RAB27A: variants seen among roughly 807,000 people sequenced by gnomAD.
RAB27A encodes RAB27A, member RAS oncogene family.
A neutral mutation model predicts 20.8 loss-of-function variants in RAB27A; 17 were observed. The ratio of observed to expected loss-of-function variants is 0.82; its 90% CI spans 0.56 to 1.23. The LOEUF (loss-of-function observed/expected upper bound fraction) is 1.23, where lower values mean the gene tolerates loss of function less well. Among genes scored for constraint, RAB27A ranks in the 50% most tolerant of loss-of-function variants. The pLI, the probability that RAB27A is intolerant of heterozygous loss-of-function variation, is 0.00. For missense variants in RAB27A, 277 were observed against 266.7 expected (o/e 1.04, Z -0.27); for synonymous variants, 85 against 92.8 (o/e 0.92, Z 0.48).
At chr15:55,313,840 G>A (rs1167687999) in intron 2 of RAB27A, among the ~76,000 whole-genome samples, 1 of 152,166 alleles carries the variant, frequency 6.6e-6, no homozygotes, top group Non-Finnish European at 1.5e-5. Flanking sequence ...GGGAGTGGTG[G>A]CAAGCACCTG....
At chr15:55,292,881 A>T (rs746385421), upstream of RAB27A, among the ~76,000 whole-genome samples, 1 of 152,248 alleles carries the variant, frequency 6.6e-6, no homozygotes, top group African/African-American at 2.4e-5. Flanking sequence ...TACAGAACCC[A>T]GATGAACACC....
At position 55,282,174 on chromosome 15, in the gene RAB27A, T is replaced by A. The variant is rs554466315; in HGVS notation, c.-143+7542A>T. Among the ~76,000 whole-genome samples, 8 of 152,360 alleles carry A rather than the reference T, an allele frequency of 5.3e-5. No individual in the cohort carries two copies. In the East Asian group the frequency reaches 1.5e-3, roughly 29 times the overall value. ...GGGTGTTAGCAAAGTTCCATCTAGATGTCACTTCTTTTGAACAACACATAG... is the reference window on the plus strand; with the variant it reads ...GGGTGTTAGCAAAGTTCCATCTAGAAGTCACTTCTTTTGAACAACACATAG... On this transcript the variant is annotated intron_variant, in intron 1 of 6. Coordinates refer to ENST00000336787, the MANE Select transcript of RAB27A (RefSeq NM_183235.3).
At chr15:55,255,941 T>C (rs141527308) in intron 2 of RAB27A, among the ~76,000 whole-genome samples, 110 of 152,314 alleles carry the variant, frequency 7.2e-4, no homozygotes, top group Middle Eastern at 3.4e-3. Context: ...TAGCTATGTG[T>C]CCTGTGGTGA....
chr15:55,225,747 T>C (rs190567217), intron 5 of RAB27A, among the ~76,000 whole-genome samples: 1 of 152,368 alleles, frequency 6.6e-6, no homozygotes, highest in Non-Finnish European at 1.5e-5. Context: ...CTACTAAGAT[T>C]GTGCTTATCT....
intron 2 of RAB27A, among the ~76,000 whole-genome samples, chr15:55,295,453 G>A (rs934578318): frequency 6.6e-6 from 1 of 152,148 alleles, no homozygotes; most frequent in Non-Finnish European, 1.5e-5. Context: ...GAGACAAATG[G>A]CCACCAAGGA....
At chr15:55,298,418 T>G (rs2054958807) in intron 2 of RAB27A, among the ~76,000 whole-genome samples, 1 of 151,904 alleles carries the variant, frequency 6.6e-6, no homozygotes, top group South Asian at 2.1e-4. Flanking sequence ...AACCACCAAG[T>G]TTTTATTAGG....
At chr15:55,261,574 CAAA>C (rs112209083) in intron 2 of RAB27A, among the ~76,000 whole-genome samples, 2 of 116,842 alleles carry the variant, frequency 1.7e-5, no homozygotes, top group Admixed American at 8.4e-5. Context: ...CTAAAAATAC[CAAA>C]AAAAAAAAAA....
intron 2 of RAB27A, among the ~76,000 whole-genome samples, chr15:55,299,247 T>A (rs1351686901): frequency 6.6e-6 from 1 of 152,194 alleles, no homozygotes; most frequent in Non-Finnish European, 1.5e-5. Context: ...ATCTTCACAA[T>A]CCACGTTCTT....
intron 6 of RAB27A, among the ~76,000 whole-genome samples, chr15:55,221,893 T>G (rs941261267): frequency 2.6e-5 from 4 of 152,148 alleles, no homozygotes; most frequent in African/African-American, 9.7e-5. Flanking sequence ...GGAAGTGACA[T>G]GGGTTTTAGT....
intron 1 of RAB27A, among the ~76,000 whole-genome samples, chr15:55,283,444 A>C (rs901576030): frequency 2.0e-5 from 3 of 152,164 alleles, no homozygotes; most frequent in Admixed American, 6.5e-5. Context: ...CCGCCACCTG[A>C]GGAAATACCA....
At chr15:55,214,163 G>T (rs536768240) in intron 6 of RAB27A, among the ~76,000 whole-genome samples, 1 of 152,192 alleles carries the variant, frequency 6.6e-6, no homozygotes, top group South Asian at 2.1e-4. Context: ...GAGGCCGGGC[G>T]CGATGGCTGA....
intron 6 of RAB27A, among the ~76,000 whole-genome samples, chr15:55,214,414 C>G (rs1020725794): frequency 6.6e-6 from 1 of 152,132 alleles, no homozygotes; most frequent in African/African-American, 2.4e-5. Flanking sequence ...CCAGCCTGGG[C>G]GACAGAGCGA....
chr15:55,265,009 G>A (rs140594431), intron 2 of RAB27A, among the ~76,000 whole-genome samples: 4,169 of 152,258 alleles, frequency 0.027, 74 homozygotes, highest in Non-Finnish European at 0.041. Flanking sequence ...TTGGGAGGCC[G>A]AGGTGGGCGG....
chr15:55,277,397 C>A (rs1897904656), intron 1 of RAB27A, among the ~76,000 whole-genome samples: 1 of 152,132 alleles, frequency 6.6e-6, no homozygotes, highest in Non-Finnish European at 1.5e-5. Context: ...AATCCCAGAA[C>A]TTTGGGAGGC....
chr15:55,280,503 TTATA>T lies in RAB27A; in HGVS notation c.-143+9209_-143+9212del, dbSNP rs71297648. Among the ~76,000 whole-genome samples the T allele has an allele frequency of 2.0e-3, 270 of 137,902 alleles. 5 individuals carry two copies. The highest frequency in any genetic ancestry group is 6.7e-3 in the African/African-American group (233 of 34,786). 90.5% of individuals were successfully genotyped at this position (137,902 alleles called of 152,430 possible). A position where few individuals can be genotyped will look rare whatever the true frequency, so the allele number is the denominator to read the frequency against. ...TGTTGTTGTTTCTTGTGGGTATGGT[TTATA>T]TATATATATATATATATATACTTTA... is the stretch of plus-strand genomic sequence containing the variant. On this transcript the variant is annotated intron_variant, in intron 1 of 6. Transcript: ENST00000336787.
intron 2 of RAB27A, among the ~76,000 whole-genome samples, chr15:55,301,427 G>A (rs1027128876): frequency 1.3e-5 from 2 of 151,930 alleles, no homozygotes; most frequent in African/African-American, 4.8e-5. Flanking sequence ...TTTAATGACA[G>A]CTTTGAGATA....
chr15:55,302,865 C>T (rs2054978983), intron 2 of RAB27A, among the ~76,000 whole-genome samples: 1 of 140,788 alleles, frequency 7.1e-6, no homozygotes, highest in South Asian at 2.4e-4. Flanking sequence ...AAGTGAGGAG[C>T]CCCTCCGTCC....
chr15:55,264,217 A>G (rs1423792770), intron 2 of RAB27A, among the ~76,000 whole-genome samples: 1 of 151,904 alleles, frequency 6.6e-6, no homozygotes, highest in Non-Finnish European at 1.5e-5. Context: ...CATCCGGTTA[A>G]TTTTTCTATT....
At chr15:55,208,134 C>T (rs556827092) in intron 6 of RAB27A, among the ~76,000 whole-genome samples, 27 of 152,160 alleles carry the variant, frequency 1.8e-4, no homozygotes, top group African/African-American at 5.8e-4. Flanking sequence ...CATCAATAAG[C>T]GCATGAATAG....
Sources: gnomAD v4.1 joint callset for allele counts (sites outside exome capture counted in the v4.1 genomes callset) on GRCh38, gnomAD v4.1.1 for gene constraint, MANE v1.5 for transcripts, NCBI Gene and HGNC (gene_info 2026-07-23, HGNC 2026-07-21) for gene names.